The following KCNMA1 variants were observed in gnomAD, a reference collection of about 807,000 sequenced individuals.
KCNMA1 encodes the protein Calcium-activated potassium channel subunit alpha-1.
KCNMA1 carries 29 observed loss-of-function variants against 140.0 expected under a neutral mutation model. The observed-to-expected ratio is 0.21, with a 90% CI of 0.15 to 0.28. KCNMA1 has a LOEUF of 0.28. KCNMA1 is among the 10% of genes least tolerant of loss of function. The pLI is 1.00. For missense variants in KCNMA1, 880 were observed against 1,602.2 expected, an observed-to-expected ratio of 0.55 and a Z score of 7.70; for synonymous variants, 612 against 611.9, an observed-to-expected ratio of 1.00 and a Z score of 0.00.
chr10:77,300,003 C>T (rs1310751121), intron 2 of KCNMA1, among the ~76,000 whole-genome samples: 1 of 152,308 alleles, frequency 6.6e-6, no homozygotes, highest in South Asian at 2.1e-4. Flanking sequence ...GCTTCTCTCC[C>T]TGGGCTGGGC....
At chr10:77,460,436 T>C (rs984426662) in intron 1 of KCNMA1, among the ~76,000 whole-genome samples, 1 of 152,172 alleles carries the variant, frequency 6.6e-6, no homozygotes, top group Admixed American at 6.5e-5. Context: ...CCTGCACTCA[T>C]GTTTATTGCA....
intron 2 of KCNMA1, among the ~76,000 whole-genome samples, chr10:77,328,110 T>C (rs192565306): frequency 6.6e-6 from 1 of 152,338 alleles, no homozygotes; most frequent in African/African-American, 2.4e-5. Flanking sequence ...TGTCTGTGTC[T>C]CATTTTCTTC....
rs563281666 is a variant in KCNMA1 at position 77,101,284 on chromosome 10, G to A, written c.1223+7197C>T. Among the ~76,000 whole-genome samples the A allele has an allele frequency of 2.5e-4, 38 of 152,264 alleles. No homozygotes were observed. In the South Asian group the frequency reaches 7.7e-3, roughly 31 times the overall value. ...TACCCCTCAGCACCACGTTTCAGAA[G>A]TAGTCAAGAGGTCATTTTTCCAAAG... On this transcript the variant is annotated intron_variant, in intron 9 of 27. Transcript: ENST00000286628.
intron 1 of KCNMA1, among the ~76,000 whole-genome samples, chr10:77,611,117 T>C (rs1310032149): frequency 6.6e-6 from 1 of 152,224 alleles, no homozygotes; most frequent in African/African-American, 2.4e-5. Flanking sequence ...TAGGGGACTT[T>C]GGCTAACTCC....
chr10:77,312,461 A>C (rs2079569878), intron 2 of KCNMA1, among the ~76,000 whole-genome samples: 1 of 152,188 alleles, frequency 6.6e-6, no homozygotes, highest in Admixed American at 6.5e-5. Flanking sequence ...CCCCATCTCT[A>C]CTAAAGATAC....
intron 1 of KCNMA1, among the ~76,000 whole-genome samples, chr10:77,582,484 A>G (rs572524730): frequency 2.0e-5 from 3 of 152,326 alleles, no homozygotes; most frequent in African/African-American, 7.2e-5. Context: ...AACCTAGATG[A>G]CGGGTTGATG....
At chr10:77,392,384 C>T (rs1311978816) in intron 2 of KCNMA1, among the ~76,000 whole-genome samples, 1 of 152,170 alleles carries the variant, frequency 6.6e-6, no homozygotes, top group Non-Finnish European at 1.5e-5. Context: ...AGCTGCAGAA[C>T]TGCACAGGAT....
chr10:77,237,610 A>C (rs2055966586), intron 3 of KCNMA1, among the ~76,000 whole-genome samples: 1 of 151,990 alleles, frequency 6.6e-6, no homozygotes, highest in South Asian at 2.1e-4. Flanking sequence ...GGCACATACC[A>C]CCATGACCAG....
chr10:76,924,439 G>A (rs2057047212), intron 23 of KCNMA1, among the ~76,000 whole-genome samples: 1 of 151,808 alleles, frequency 6.6e-6, no homozygotes, highest in African/African-American at 2.4e-5. Flanking sequence ...TTTTCTTTTT[G>A]GTTTCTATAA....
intron 25 of KCNMA1, among the ~76,000 whole-genome samples, chr10:76,897,574 T>C (rs2043131230): frequency 1.3e-5 from 2 of 152,066 alleles, no homozygotes; most frequent in Non-Finnish European, 2.9e-5. Context: ...TAAGCATTTA[T>C]TGATTTAATT....
chr10:77,577,480 T>C (rs193166416), intron 1 of KCNMA1, among the ~76,000 whole-genome samples: 120 of 152,268 alleles, frequency 7.9e-4, no homozygotes, highest in African/African-American at 2.8e-3. Context: ...CAGGTTTCTA[T>C]GCAAGATGGT....
At chr10:76,916,203 C>T (rs1031375209) in intron 23 of KCNMA1, among the ~76,000 whole-genome samples, 1 of 152,148 alleles carries the variant, frequency 6.6e-6, no homozygotes, top group Non-Finnish European at 1.5e-5. Flanking sequence ...CCTTGAACTT[C>T]CCAGTGTGCC....
intron 1 of KCNMA1, among the ~76,000 whole-genome samples, chr10:77,409,248 G>A (rs530098400): frequency 1.6e-4 from 24 of 152,150 alleles, no homozygotes; most frequent in African/African-American, 4.1e-4. Context: ...GGCATTTCCC[G>A]CTGAATCACA....
chr10:77,354,482 G>C (rs2093280671), intron 2 of KCNMA1: 1 of 152,178 alleles, frequency 6.6e-6, no homozygotes, highest in African/African-American at 2.4e-5. Context: ...TTCCTCAGCA[G>C]AAAGAAAAGA....
rs748482913 is a variant in KCNMA1, at chr10:76,949,130, C to T, written c.2709+12G>A. Reference sequence around the variant, plus strand: ...AGAAGAAAAGGCATCAATAATGTGACCTTGGACTTACAGGCAATATGGACA... The same window carrying T: ...AGAAGAAAAGGCATCAATAATGTGATCTTGGACTTACAGGCAATATGGACA... On this transcript the variant is annotated intron_variant, in intron 22 of 27. Transcript: ENST00000286628. 1.9e-6 allele frequency: 3 copies of T among 1,586,992 alleles called. No individual in the cohort carries two copies. In the African/African-American group the frequency reaches 4.0e-5, roughly 21 times the overall value.
chr10:77,211,864 G>A (rs899443953), intron 3 of KCNMA1, among the ~76,000 whole-genome samples: 6 of 152,032 alleles, frequency 3.9e-5, no homozygotes, highest in East Asian at 1.9e-4. Flanking sequence ...ATCACTAATC[G>A]TCAGAGAAAT....
chr10:77,022,322 C>A (rs550588442), intron 16 of KCNMA1, among the ~76,000 whole-genome samples: 2 of 152,152 alleles, frequency 1.3e-5, no homozygotes, highest in African/African-American at 4.8e-5. Context: ...AGAAAAAGCC[C>A]ATATATCCAT....
Position 76,887,192 on chromosome 10 carries a change from T to C in KCNMA1, c.*74A>G. The C allele has an allele frequency of 6.2e-7, 1 of 1,613,052 alleles. No individual in the cohort carries two copies. Reference sequence around the variant, plus strand: ...GGACTACAGGGGAAAACAGGGAAAGTTACTTTGTTGGAAACACCAACTGGG... The same window carrying C: ...GGACTACAGGGGAAAACAGGGAAAGCTACTTTGTTGGAAACACCAACTGGG... On this transcript the variant is annotated 3_prime_UTR_variant, in exon 28 of 28. Coordinates refer to ENST00000286628, the MANE Select transcript of KCNMA1 (RefSeq NM_001161352.2).
intron 1 of KCNMA1, among the ~76,000 whole-genome samples, chr10:77,468,525 A>T (rs1414557636): frequency 1.3e-5 from 2 of 152,208 alleles, no homozygotes; most frequent in African/African-American, 2.4e-5. Context: ...GGAAATTAGG[A>T]CACAGACATA....
Sources: gnomAD v4.1 joint callset for allele counts (sites outside exome capture counted in the v4.1 genomes callset) on GRCh38, gnomAD v4.1.1 for gene constraint, MANE v1.5 for transcripts, NCBI Gene and HGNC (gene_info 2026-07-23, HGNC 2026-07-21) for gene names.